Variants in AP4S1 observed in about 807,000 individuals in gnomAD.
AP4S1 encodes AP-4 complex subunit sigma-1.
In AP4S1, 23 loss-of-function variants were observed where a neutral mutation model predicts 19.8. The ratio of observed to expected loss-of-function variants is 1.16; its 90% CI spans 0.84 to 1.65. The LOEUF (loss-of-function observed/expected upper bound fraction) is 1.65. AP4S1 is among the 40% of genes most tolerant of loss of function. AP4S1 has a pLI of 0.00. For missense variants in AP4S1, 166 were observed against 172.8 expected, an observed-to-expected ratio of 0.96 and a Z score of 0.22; for synonymous variants, 46 against 54.1, an observed-to-expected ratio of 0.85 and a Z score of 0.66.
intron 4 of AP4S1, among the ~76,000 whole-genome samples, chr14:31,079,102 G>C (rs1217630847): frequency 6.6e-6 from 1 of 152,160 alleles, no homozygotes; most frequent in Non-Finnish European, 1.5e-5. Context: ...AGGCAGCTTT[G>C]CCAGAGGTGA....
chr14:31,082,038 A>G (rs1339750061), intron 5 of AP4S1, among the ~76,000 whole-genome samples: 2 of 151,984 alleles, frequency 1.3e-5, no homozygotes, highest in Non-Finnish European at 2.9e-5. Context: ...AATGCCCAGA[A>G]CCAGTATGTT....
chr14:31,057,452 A>T (rs766855515), intron 1 of AP4S1, among the ~76,000 whole-genome samples: 6 of 152,228 alleles, frequency 3.9e-5, no homozygotes, highest in Non-Finnish European at 7.3e-5. Flanking sequence ...TCCTAGGTCT[A>T]ACTCCCAGAA....
At position 31,092,921 on chromosome 14, in the gene AP4S1, G is replaced by A; in HGVS notation, c.321G>A (p.Leu107=). 6.5e-7 allele frequency: 1 copy of A among 1,531,348 alleles called. No individual in the cohort carries two copies. Among genetic ancestry groups the A allele is most frequent in the Non-Finnish European group, 8.8e-7 (1 of 1,136,968 alleles). 94.9% of individuals were successfully genotyped at this position (1,531,348 alleles called of 1,614,324 possible). The change falls in exon 6 of 6, where the codon TTG becomes TTA. Residue 107 remains leucine, a synonymous_variant. Coordinates refer to ENST00000542754, the MANE Select transcript of AP4S1 (RefSeq NM_001128126.3). ...RVSELDIMFN[L]DKVHIILDEM... is the part of the protein sequence containing the mutation. ...TATAACCGTAGATAATGTTTAATTT[G>A]GATAAAGTACACATCATTTTGGATG...
chr14:31,062,637 A>G (rs1159831767), intron 1 of AP4S1, among the ~76,000 whole-genome samples: 3 of 152,228 alleles, frequency 2.0e-5, no homozygotes, highest in Non-Finnish European at 4.4e-5. Context: ...AAAGTTAATG[A>G]AATCAAATGG....
At chr14:31,071,922 A>ATTT (rs60189766) in intron 3 of AP4S1, among the ~76,000 whole-genome samples, 2 of 148,474 alleles carry the variant, frequency 1.3e-5, no homozygotes, top group Admixed American at 6.7e-5. Context: ...TATTTATTTG[A>ATTT]TTTTTTTTGG....
At chr14:31,085,515 A>C in intron 5 of AP4S1, 1 of 985,824 alleles carries the variant, frequency 1.0e-6, no homozygotes, top group East Asian at 1.1e-4. Flanking sequence ...GGCTCACGCC[A>C]GTAATCCCAG....
chr14:31,047,760 C>T (rs1372041858), intron 1 of AP4S1, among the ~76,000 whole-genome samples: 1 of 152,094 alleles, frequency 6.6e-6, no homozygotes. Flanking sequence ...CTCACTGCAA[C>T]CTCCTCCTCC....
chr14:31,082,445 C>T (rs1023252963), intron 5 of AP4S1, among the ~76,000 whole-genome samples: 4 of 152,128 alleles, frequency 2.6e-5, no homozygotes, highest in African/African-American at 9.7e-5. Flanking sequence ...AGACAAAAAG[C>T]TTTTTGATTT....
chr14:31,063,225 G>C (rs977308677), intron 1 of AP4S1, among the ~76,000 whole-genome samples: 7 of 152,154 alleles, frequency 4.6e-5, no homozygotes, highest in African/African-American at 1.7e-4. Context: ...GAGGTCAGGA[G>C]TTCGAGACCA....
At chr14:31,083,857 A>G (rs1235193031) in intron 5 of AP4S1, among the ~76,000 whole-genome samples, 1 of 152,080 alleles carries the variant, frequency 6.6e-6, no homozygotes, top group Non-Finnish European at 1.5e-5. Flanking sequence ...TGCTTCATAC[A>G]TAGTCCTTTT....
At chr14:31,039,744 C>T (rs1453189424) in intron 1 of AP4S1, among the ~76,000 whole-genome samples, 1 of 151,854 alleles carries the variant, frequency 6.6e-6, no homozygotes, top group Non-Finnish European at 1.5e-5. Flanking sequence ...GCGCGCGCCA[C>T]CATGCCCGGC....
chr14:31,049,177 G>T (rs1443493293), intron 1 of AP4S1, among the ~76,000 whole-genome samples: 2 of 151,852 alleles, frequency 1.3e-5, no homozygotes, highest in African/African-American at 4.8e-5. Context: ...ACTTTGGGAG[G>T]TCGAGGCGGG....
intron 1 of AP4S1, among the ~76,000 whole-genome samples, chr14:31,049,740 T>C (rs1885673056): frequency 6.6e-6 from 1 of 151,568 alleles, no homozygotes; most frequent in South Asian, 2.1e-4. Flanking sequence ...CACTGCAACC[T>C]CTGCGTGGGC....
chr14:31,045,406 A>G (rs574202369), intron 1 of AP4S1, among the ~76,000 whole-genome samples: 5 of 152,240 alleles, frequency 3.3e-5, no homozygotes, highest in South Asian at 2.1e-4. Flanking sequence ...AGTTTCCTCC[A>G]TGCTATTCTT....
At chr14:31,081,734 A>ATG (rs549123012) in intron 5 of AP4S1, among the ~76,000 whole-genome samples, 3 of 151,308 alleles carry the variant, frequency 2.0e-5, no homozygotes, top group Non-Finnish European at 4.4e-5. Flanking sequence ...ACATGTATTT[A>ATG]TGTGTGTGTG....
chr14:31,072,808 C>CA, intron 3 of AP4S1, 97 bp from the exon 4 acceptor site: 1 of 974,538 alleles, frequency 1.0e-6, no homozygotes, highest in South Asian at 1.3e-5. Flanking sequence ...CACTAAGCCA[C>CA]ATGCTCTAAA....
intron 2 of AP4S1, among the ~76,000 whole-genome samples, chr14:31,067,621 C>T (rs1483025028): frequency 1.3e-4 from 19 of 151,332 alleles, no homozygotes; most frequent in African/African-American, 4.4e-4. Context: ...CGGGTTCAAG[C>T]GATTCTCCCG....
intron 1 of AP4S1, among the ~76,000 whole-genome samples, chr14:31,039,405 A>G (rs1041846625): frequency 6.6e-5 from 10 of 151,448 alleles, no homozygotes; most frequent in African/African-American, 2.4e-4. Context: ...GGCTGGTCTC[A>G]AACTCCTGGT....
At chr14:31,085,743 A>G (rs757020011) in intron 5 of AP4S1, 5 of 892,104 alleles carry the variant, frequency 5.6e-6, no homozygotes, top group Non-Finnish European at 6.7e-6. Context: ...ACTGCACTCC[A>G]ATCTGGCAAC....
Sources: allele counts gnomAD v4.1 joint callset (sites outside exome capture counted in the v4.1 genomes callset), GRCh38; gene constraint gnomAD v4.1.1; transcripts MANE v1.5; gene names NCBI Gene and HGNC (gene_info 2026-07-23, HGNC 2026-07-21).